Variants in DAPK2 observed in about 807,000 individuals in gnomAD.
The protein encoded by DAPK2 is death-associated protein kinase 2.
A neutral mutation model predicts 44.1 loss-of-function variants in DAPK2; 35 were observed. The ratio of observed to expected loss-of-function variants is 0.79; its 90% CI spans 0.61 to 1.05. DAPK2 has a LOEUF of 1.05. Ranked by LOEUF, DAPK2 falls within the 50% of genes least tolerant of loss-of-function variation. DAPK2 has a pLI of 0.00. For synonymous variants in DAPK2, 174 were observed against 182.6 expected (o/e 0.95, Z 0.38); for missense variants, 453 against 483.2 (o/e 0.94, Z 0.59).
chr15:63,989,638 C>T (rs2078762592), intron 1 of DAPK2, among the ~76,000 whole-genome samples: 1 of 152,134 alleles, frequency 6.6e-6, no homozygotes, highest in Non-Finnish European at 1.5e-5. Context: ...ATTTTATTAT[C>T]GGTTTGTTTG....
intron 1 of DAPK2, among the ~76,000 whole-genome samples, chr15:64,039,665 AC>A (rs1401913918): frequency 6.6e-6 from 1 of 152,218 alleles, no homozygotes; most frequent in African/African-American, 2.4e-5. Context: ...GGCTCAGCAA[AC>A]CTGAAAATGC....
intron 3 of DAPK2, among the ~76,000 whole-genome samples, chr15:63,947,481 C>T (rs2077479762): frequency 6.6e-6 from 1 of 152,202 alleles, no homozygotes; most frequent in Non-Finnish European, 1.5e-5. Context: ...CTCACACATC[C>T]TGCTTTTGGA....
At chr15:63,978,034 G>A (rs1314231137) in intron 2 of DAPK2, among the ~76,000 whole-genome samples, 2 of 152,240 alleles carry the variant, frequency 1.3e-5, no homozygotes, top group East Asian at 3.9e-4. Flanking sequence ...TCTCTCCCCA[G>A]CTATATTATT....
rs1555463541 is a variant in DAPK2 at position 63,925,675 on chromosome 15, A to AGTGC, written c.812+265_812+266insGCAC. Among the ~76,000 whole-genome samples the AGTGC allele has an allele frequency of 3.1e-5, 4 of 129,902 alleles. No individual in the cohort carries two copies. In the East Asian group the frequency reaches 6.6e-4, roughly 21 times the overall value. 85.2% of individuals were successfully genotyped at this position (129,902 alleles called of 152,430 possible). On this transcript the variant is annotated intron_variant, in intron 7 of 10. Transcript: ENST00000261891. ...CCTAAAGAAACCCAGGCTGACTTGT[A>AGTGC]GCGCACACACACACACACACACACA...
rs1014582154 is a variant in DAPK2, at chr15:64,000,165, GACT to G, written c.93-16414_93-16412del. Among the ~76,000 whole-genome samples, 55 of 143,702 alleles carry G rather than the reference GACT, an allele frequency of 3.8e-4. No individual in the cohort carries two copies. In the East Asian group the frequency reaches 3.9e-3, roughly 10 times the overall value. The allele number at this position is 143,702 out of a possible 152,430, so 94.3% of individuals were successfully genotyped here. ...GGGGGATGATACAAAGCACTTGCCT[GACT>G]ACTACTACTACTACTACTACACACA... On this transcript the variant is annotated intron_variant, in intron 1 of 10. Transcript: ENST00000261891.
rs1739049183 is a variant in DAPK2 at position 63,980,005 on chromosome 15, G to T, written c.314+3528C>A. Among the ~76,000 whole-genome samples the T allele has an allele frequency of 6.6e-6, 1 of 152,194 alleles. No individual in the cohort carries two copies. The highest frequency in any genetic ancestry group is 1.5e-5 in the Non-Finnish European group (1 of 68,040). ...AGAACCTGGCCATACATGGGTTAGG[G>T]ACAGTCTTGGAACGCTTGGGTCTTC... On this transcript the variant is annotated intron_variant, in intron 2 of 10. Coordinates refer to ENST00000261891, the Ensembl canonical transcript of DAPK2. This position sits in a 1 kb window ranked among gnomAD's most constrained non-coding sequence, Gnocchi z 4.3.
chr15:64,003,098 C>G (rs149359744), intron 1 of DAPK2, among the ~76,000 whole-genome samples: 4,452 of 151,514 alleles, frequency 0.029, 91 homozygotes, highest in South Asian at 0.064. Flanking sequence ...GGAATGGGAC[C>G]TAGGCTTGGA....
intron 3 of DAPK2, among the ~76,000 whole-genome samples, chr15:63,940,594 C>T (rs1168388004): frequency 1.3e-5 from 2 of 152,020 alleles, no homozygotes; most frequent in Admixed American, 1.3e-4. Context: ...CGCCTGTAGT[C>T]CCAGCTGCTC....
chr15:63,921,182 T>C (rs905391667), intron 8 of DAPK2: 8 of 152,382 alleles, frequency 5.2e-5, no homozygotes, highest in East Asian at 1.9e-4. Context: ...TGGAAGTTGG[T>C]TGGTGCCTAA....
chr15:64,033,251 C>T (rs2080069693), intron 1 of DAPK2, among the ~76,000 whole-genome samples: 1 of 52,632 alleles, frequency 1.9e-5, no homozygotes, highest in Non-Finnish European at 3.6e-5. Flanking sequence ...CAGAGAGACC[C>T]CTGGGGAGGG....
At chr15:64,036,319 G>GTGTATA (rs1437972215) in intron 1 of DAPK2, among the ~76,000 whole-genome samples, 1 of 56,662 alleles carries the variant, frequency 1.8e-5, no homozygotes, top group African/African-American at 4.6e-5. Flanking sequence ...GTATATATAT[G>GTGTATA]TATATATATA....
intron 3 of DAPK2, among the ~76,000 whole-genome samples, chr15:63,948,572 A>T (rs1180556872): frequency 6.6e-6 from 1 of 152,116 alleles, no homozygotes; most frequent in East Asian, 1.9e-4. Context: ...AACAGGCCCC[A>T]TCTCCAACAC....
chr15:64,007,676 G>T (rs556375425), intron 1 of DAPK2, among the ~76,000 whole-genome samples: 1 of 152,206 alleles, frequency 6.6e-6, no homozygotes, highest in Non-Finnish European at 1.5e-5. Context: ...AAGGGACTGA[G>T]AGTCCGACTT....
At chr15:63,918,872 G>A (rs991779091) in intron 8 of DAPK2, 5 of 152,182 alleles carry the variant, frequency 3.3e-5, no homozygotes, top group Non-Finnish European at 4.4e-5. Flanking sequence ...ATTGCAATTT[G>A]GTGAATTAAA....
chr15:64,011,077 G>C (rs1020385619), intron 1 of DAPK2, among the ~76,000 whole-genome samples: 2 of 152,190 alleles, frequency 1.3e-5, no homozygotes, highest in East Asian at 3.8e-4. Flanking sequence ...CTCCAGATTA[G>C]CATAAAGGCA....
chr15:64,033,099 T>A (rs551121661), intron 1 of DAPK2, among the ~76,000 whole-genome samples: 1 of 150,454 alleles, frequency 6.6e-6, no homozygotes, highest in Admixed American at 6.6e-5. Flanking sequence ...AATAAATAAG[T>A]AAATAAATAA....
chr15:63,995,564 A>G (rs747684095), intron 1 of DAPK2, among the ~76,000 whole-genome samples: 1 of 152,214 alleles, frequency 6.6e-6, no homozygotes, highest in Non-Finnish European at 1.5e-5. Context: ...GAAGGGAGCA[A>G]TTCTGTGCCT....
intron 2 of DAPK2, 38 bp from the exon 4 acceptor site, chr15:63,971,599 CA>C: frequency 6.2e-7 from 1 of 1,606,950 alleles, no homozygotes; most frequent in Non-Finnish European, 8.5e-7. Flanking sequence ...GGCCCAGGCC[CA>C]GTCAGCTCTG....
intron 4 of DAPK2, among the ~76,000 whole-genome samples, chr15:63,936,317 C>A (rs1045575595): frequency 1.3e-5 from 2 of 152,150 alleles, no homozygotes; most frequent in Non-Finnish European, 1.5e-5. Flanking sequence ...TTAAAGATTT[C>A]TCTGGCCAGG....
Sources: allele counts gnomAD v4.1 joint callset (sites outside exome capture counted in the v4.1 genomes callset), GRCh38; gene constraint gnomAD v4.1.1; non-coding constraint Gnocchi (gnomAD v3.1); transcripts MANE v1.5; gene names NCBI Gene and HGNC (gene_info 2026-07-23, HGNC 2026-07-21).